The following EPHB1 variants were observed in gnomAD, a reference collection of about 807,000 sequenced individuals.
EPHB1 encodes the protein ephrin type-B receptor 1.
EPHB1 carries 30 observed loss-of-function variants against 94.4 expected under a neutral mutation model. The observed-to-expected ratio is 0.32, with a 90% CI of 0.24 to 0.43. The LOEUF is 0.43. Ranked by LOEUF, EPHB1 falls within the 20% of genes least tolerant of loss-of-function variation. The pLI is 1.00. For synonymous variants in EPHB1, 522 were observed against 489.1 expected (o/e 1.07, Z -0.89); for missense variants, 1,055 against 1,308.3 (o/e 0.81, Z 2.99).
At chr3:134,832,934 T>C (rs1234129410) in intron 1 of EPHB1, among the ~76,000 whole-genome samples, 3 of 152,254 alleles carry the variant, frequency 2.0e-5, no homozygotes, top group African/African-American at 7.2e-5. Context: ...TTCTCACTTT[T>C]AGGAGGTACT....
chr3:134,860,607 G>T (rs1433327586), intron 1 of EPHB1, among the ~76,000 whole-genome samples: 1 of 152,142 alleles, frequency 6.6e-6, no homozygotes, highest in African/African-American at 2.4e-5. Context: ...GATGTCAGGA[G>T]ATCAAGACCA....
intron 5 of EPHB1, 116 bp from the exon 6 acceptor site, chr3:135,154,033 TAAA>T: frequency 7.2e-7 from 1 of 1,381,580 alleles, no homozygotes; most frequent in East Asian, 2.3e-5. Context: ...CAGCTGATGA[TAAA>T]GAAGGAGCAG....
chr3:134,873,255 T>G (rs1173558273), intron 1 of EPHB1, among the ~76,000 whole-genome samples: 3 of 152,188 alleles, frequency 2.0e-5, no homozygotes, highest in Non-Finnish European at 4.4e-5. Context: ...TTCCTCTGTG[T>G]TCTGATTCCC....
At chr3:135,194,419 G>A (rs1301132155) in intron 11 of EPHB1, among the ~76,000 whole-genome samples, 1 of 152,202 alleles carries the variant, frequency 6.6e-6, no homozygotes, top group African/African-American at 2.4e-5. Flanking sequence ...TCAAAGAGGA[G>A]GAAGAATTTA....
intron 1 of EPHB1, among the ~76,000 whole-genome samples, chr3:134,812,777 C>T (rs1404484262): frequency 6.6e-6 from 1 of 152,208 alleles, no homozygotes; most frequent in African/African-American, 2.4e-5. Flanking sequence ...TTGGTATTTT[C>T]AGTCTTTAAA....
chr3:135,046,296 C>T (rs1360271867), intron 3 of EPHB1, among the ~76,000 whole-genome samples: 3 of 152,182 alleles, frequency 2.0e-5, no homozygotes, highest in African/African-American at 2.4e-5. Context: ...GCTCTTGCTA[C>T]GTTGTATTGT....
chr3:134,909,839 A>T (rs1355576229), intron 1 of EPHB1, among the ~76,000 whole-genome samples: 1 of 152,208 alleles, frequency 6.6e-6, no homozygotes, highest in Non-Finnish European at 1.5e-5. Flanking sequence ...GGAAGAGGTG[A>T]CTTCCAGATT....
chr3:134,983,828 G>A (rs979313412), intron 3 of EPHB1, among the ~76,000 whole-genome samples: 3 of 152,228 alleles, frequency 2.0e-5, no homozygotes, highest in Admixed American at 2.0e-4. Flanking sequence ...ACAGGTGGTT[G>A]ATGGAAGTCT....
At chr3:135,149,661 T>G (rs559841046) in intron 5 of EPHB1, among the ~76,000 whole-genome samples, 1 of 152,338 alleles carries the variant, frequency 6.6e-6, no homozygotes, top group South Asian at 2.1e-4. Flanking sequence ...TGCCCGTGAT[T>G]TTCAGGGAGG....
intron 1 of EPHB1, among the ~76,000 whole-genome samples, chr3:134,860,044 T>C (rs967342444): frequency 2.6e-5 from 4 of 151,970 alleles, no homozygotes; most frequent in Non-Finnish European, 4.4e-5. Context: ...TTTCATATGG[T>C]TTTTTCTTTT....
At chr3:135,185,926 C>T (rs116498844) in intron 10 of EPHB1, among the ~76,000 whole-genome samples, 6 of 152,242 alleles carry the variant, frequency 3.9e-5, no homozygotes, top group Non-Finnish European at 1.5e-5. Context: ...GACTGTCCCA[C>T]ATGCCCTGGA....
At chr3:134,982,018 A>C (rs1017737820) in intron 3 of EPHB1, among the ~76,000 whole-genome samples, 1 of 152,250 alleles carries the variant, frequency 6.6e-6, no homozygotes, top group Non-Finnish European at 1.5e-5. Context: ...TGCCATTTAC[A>C]AATGAGTAAG....
chr3:134,872,731 C>T (rs1260026949), intron 1 of EPHB1, among the ~76,000 whole-genome samples: 2 of 152,212 alleles, frequency 1.3e-5, no homozygotes, highest in African/African-American at 4.8e-5. Context: ...AGGGTGAATA[C>T]CTTAGTACTT....
At chr3:134,829,420 A>G (rs554645116) in intron 1 of EPHB1, among the ~76,000 whole-genome samples, 20 of 152,330 alleles carry the variant, frequency 1.3e-4, no homozygotes, top group Admixed American at 2.6e-4. Context: ...AGTACCTCTC[A>G]AAAGCTGTTT....
intron 13 of EPHB1, among the ~76,000 whole-genome samples, chr3:135,245,711 C>A (rs2107730014): frequency 6.9e-6 from 1 of 144,498 alleles, no homozygotes; most frequent in South Asian, 2.2e-4. Context: ...GAGGCTGAGG[C>A]AGGAGAATTG....
At position 135,052,909 on chromosome 3, in the gene EPHB1, A is replaced by ATATG. The variant is rs1217744067; in HGVS notation, c.806-53538_806-53537insATGT. On this transcript the variant is annotated intron_variant, in intron 3 of 15. Coordinates refer to ENST00000398015, the MANE Select transcript of EPHB1 (RefSeq NM_004441.5). ...AAAAAAAATATATATATATATATAT[A>ATATG]TGTGTGTGTGTGTGTGTGTGTGTAT... 2.4e-3 allele frequency among the ~76,000 whole-genome samples: 163 copies of ATATG among 68,846 alleles called. 3 individuals carry two copies. The highest frequency in any genetic ancestry group is 7.7e-3 in the African/African-American group (100 of 12,968). The allele number at this position is 68,846 out of a possible 152,430, so 45.2% of individuals were successfully genotyped here.
intron 1 of EPHB1, among the ~76,000 whole-genome samples, chr3:134,862,675 A>C (rs956918963): frequency 6.6e-6 from 1 of 152,138 alleles, no homozygotes; most frequent in Non-Finnish European, 1.5e-5. Flanking sequence ...CGTGTGGCTC[A>C]GAGGATCTGG....
intron 3 of EPHB1, among the ~76,000 whole-genome samples, chr3:134,993,452 T>A (rs1662583390): frequency 6.6e-6 from 1 of 152,186 alleles, no homozygotes; most frequent in African/African-American, 2.4e-5. Flanking sequence ...CAAGATCAGC[T>A]TGTGACAGGG....
At chr3:135,176,187 C>G (rs2107703401) in intron 9 of EPHB1, among the ~76,000 whole-genome samples, 1 of 152,180 alleles carries the variant, frequency 6.6e-6, no homozygotes, top group East Asian at 1.9e-4. Flanking sequence ...AGTCACTCTC[C>G]TGATTTAGAA....
Sources: allele counts gnomAD v4.1 joint callset (sites outside exome capture counted in the v4.1 genomes callset), GRCh38; gene constraint gnomAD v4.1.1; transcripts MANE v1.5; gene names NCBI Gene and HGNC (gene_info 2026-07-23, HGNC 2026-07-21).